NSDHL: variants seen among roughly 807,000 people sequenced by gnomAD.
NSDHL encodes the protein sterol-4-alpha-carboxylate 3-dehydrogenase, decarboxylating.
NSDHL carries 1 observed loss-of-function variant against 23.0 expected under a neutral mutation model. That is an observed-to-expected ratio of 0.04 (90% CI 0.02 to 0.21). NSDHL has a LOEUF of 0.21. Ranked by LOEUF, NSDHL falls within the 10% of genes least tolerant of loss-of-function variation. The pLI is 1.00. For missense variants in NSDHL, 237 were observed against 300.9 expected (o/e 0.79, Z 1.57); for synonymous variants, 128 against 121.1 (o/e 1.06, Z -0.37).
chrX:152,855,750 A>G (rs1419739811), intron 3 of NSDHL, among the ~76,000 whole-genome samples: 1 of 111,909 alleles, frequency 8.9e-6, no homozygotes, highest in African/African-American at 3.2e-5. Flanking sequence ...TGTTTCACCT[A>G]TATTCCTCCT....
chrX:152,848,290 T>C, intron 2 of NSDHL, among the ~76,000 whole-genome samples: 1 of 112,208 alleles, frequency 8.9e-6, no homozygotes, highest in East Asian at 2.8e-4. Flanking sequence ...TCTTGTCCAC[T>C]GTGGCTGTGA....
intron 4 of NSDHL, among the ~76,000 whole-genome samples, chrX:152,859,314 T>C (rs1325518671): frequency 8.9e-6 from 1 of 111,854 alleles, no homozygotes; most frequent in African/African-American, 3.3e-5. Context: ...ATTACCACCA[T>C]CCATCTCTAA....
At chrX:152,844,617 A>G (rs960894794) in intron 1 of NSDHL, among the ~76,000 whole-genome samples, 4 of 112,560 alleles carry the variant, frequency 3.6e-5, no homozygotes, top group Admixed American at 1.9e-4. Context: ...GAATCTGGAT[A>G]AGAAGCCAGC....
chrX:152,866,506 A>C (rs782147307), intron 6 of NSDHL, among the ~76,000 whole-genome samples: 197 of 113,176 alleles, frequency 1.7e-3, no homozygotes, highest in Non-Finnish European at 2.5e-3. Flanking sequence ...ATTCTGTCAC[A>C]TTTTGGGAGG....
At position 152,837,550 on chromosome X, in the gene NSDHL, T is replaced by TA. The variant is rs1214608579; in HGVS notation, c.-44+6435dup. ...AAGGCCTTTTCTGCATCTATTGAGA[T>TA]AATCATGTGGTTTTTGTCTTTGGTT... On this transcript the variant is annotated intron_variant, in intron 1 of 7. Coordinates refer to ENST00000370274, the MANE Select transcript of NSDHL (RefSeq NM_015922.3). Among the ~76,000 whole-genome samples, 6 of 112,465 alleles carry TA rather than the reference T, an allele frequency of 5.3e-5. No homozygotes were observed. In the East Asian group the frequency reaches 1.7e-3, roughly 31 times the overall value.
chrX:152,840,807 C>T (rs924999299), intron 1 of NSDHL, among the ~76,000 whole-genome samples: 18 of 112,757 alleles, frequency 1.6e-4, no homozygotes, highest in African/African-American at 5.8e-4. Flanking sequence ...AGAGCTCAAA[C>T]GCCATGCTGG....
At chrX:152,867,376 G>A (rs1418966673) in intron 6 of NSDHL, among the ~76,000 whole-genome samples, 195 bp from the exon 7 acceptor site, 1 of 112,241 alleles carries the variant, frequency 8.9e-6, no homozygotes, top group African/African-American at 3.2e-5. Context: ...CACTAACCCT[G>A]AAGACCCAGG....
chrX:152,866,931 G>T (rs935818203), intron 6 of NSDHL, among the ~76,000 whole-genome samples: 2 of 111,518 alleles, frequency 1.8e-5, no homozygotes, highest in Non-Finnish European at 3.8e-5. Flanking sequence ...AAGAAACCGT[G>T]ACTCAGAGGG....
At chrX:152,851,183 C>CCCCA (rs1365263196) in intron 3 of NSDHL, among the ~76,000 whole-genome samples, 3 of 112,309 alleles carry the variant, frequency 2.7e-5, no homozygotes, top group Admixed American at 9.4e-5. Context: ...GTGGCACAAG[C>CCCCA]CCCATTGCTT....
rs1740250710 is a variant in NSDHL, at chrX:152,869,331, G to A, written c.*215G>A. ...ACTGGATTTGGATTTCTTGAAGCAG[G>A]CAGCTTCATATTATACCGATTTGTT... On this transcript the variant is annotated 3_prime_UTR_variant, in exon 8 of 8. Coordinates refer to ENST00000370274, the MANE Select transcript of NSDHL (RefSeq NM_015922.3). 4.4e-6 allele frequency: 2 copies of A among 458,800 alleles called. No homozygotes were observed. The highest frequency in any genetic ancestry group is 3.8e-5 in the East Asian group (1 of 26,323). 37.8% of individuals were successfully genotyped at this position (458,800 alleles called of 1,213,427 possible).
intron 1 of NSDHL, among the ~76,000 whole-genome samples, chrX:152,841,315 A>G (rs1405188014): frequency 1.8e-5 from 2 of 112,817 alleles, no homozygotes; most frequent in Non-Finnish European, 3.8e-5. Flanking sequence ...GGCTGCACCC[A>G]CTGTCCAACC....
At chrX:152,847,782 G>A (rs1933296188) in intron 2 of NSDHL, among the ~76,000 whole-genome samples, 2 of 111,695 alleles carry the variant, frequency 1.8e-5, no homozygotes, top group Admixed American at 1.9e-4. Context: ...AAACAAGAAG[G>A]GTTGGAAAAA....
chrX:152,852,971 A>C (rs939030260), intron 3 of NSDHL, among the ~76,000 whole-genome samples: 15 of 109,946 alleles, frequency 1.4e-4, no homozygotes, highest in African/African-American at 5.0e-4. Context: ...CCTGATCACT[A>C]TCATTTCTAA....
intron 1 of NSDHL, among the ~76,000 whole-genome samples, chrX:152,845,175 C>T (rs1933252081): frequency 8.9e-6 from 1 of 112,112 alleles, no homozygotes; most frequent in South Asian, 3.7e-4. Context: ...GCCATTTTGG[C>T]TTTCTACATG....
Position 152,858,763 on chromosome X carries a change from T to C in NSDHL, c.268-7T>C. 8.3e-7 allele frequency: 1 copy of C among 1,210,378 alleles called. No individual in the cohort carries two copies. The highest frequency in any genetic ancestry group is 1.1e-6 in the Non-Finnish European group (1 of 894,109). On this transcript the variant is annotated splice_region_variant and splice_polypyrimidine_tract_variant and intron_variant, in intron 3 of 7. Coordinates refer to ENST00000370274, the MANE Select transcript of NSDHL (RefSeq NM_015922.3). ...AATGATTATTTTGTCTTTCTTTGCTTTTCCAGGATCTGTACCCAGCTCTGA... is the reference window on the plus strand; with the variant it reads ...AATGATTATTTTGTCTTTCTTTGCTCTTCCAGGATCTGTACCCAGCTCTGA...
In NSDHL at chrX:152,868,886, T is replaced by G. The variant is rs1556848484; in HGVS notation, c.892T>G (p.Trp298Gly). The change falls in exon 8 of 8, where the codon TGG (tryptophan) becomes GGG (glycine). Residue 298 changes from tryptophan (W) to glycine (G), a missense_variant. Trp to Gly is a radical substitution (Grantham distance 184). Coordinates refer to ENST00000370274, the MANE Select transcript of NSDHL (RefSeq NM_015922.3). Reference protein sequence around the residue: ...YEAPKYHIPYWVAYYLALLLS... With the variant: ...YEAPKYHIPYGVAYYLALLLS... ...GGCCCCCAAGTACCACATCCCCTACTGGGTGGCCTACTACCTGGCCCTCCT... is the reference window on the plus strand; with the variant it reads ...GGCCCCCAAGTACCACATCCCCTACGGGGTGGCCTACTACCTGGCCCTCCT... 2 of 1,211,630 alleles carry G rather than the reference T, an allele frequency of 1.7e-6. No homozygotes were observed. Among genetic ancestry groups the G allele is most frequent in the Non-Finnish European group, 1.1e-6 (1 of 895,039 alleles).
intron 2 of NSDHL, among the ~76,000 whole-genome samples, chrX:152,849,679 G>C (rs1209442998): frequency 8.9e-6 from 1 of 112,633 alleles, no homozygotes; most frequent in Non-Finnish European, 1.9e-5. Flanking sequence ...CATCAAGGCG[G>C]TCTTAGATTT....
In NSDHL at chrX:152,850,369, A is replaced by G. The variant is rs1556846108; in HGVS notation, c.213A>G (p.Gln71=). 1 of 1,210,354 alleles carries G rather than the reference A, an allele frequency of 8.3e-7. No individual in the cohort carries two copies. The change falls in exon 3 of 8, where the codon CAA becomes CAG. Residue 71 remains glutamine, a synonymous_variant. Transcript: ENST00000370274. ...CTGTCAATGTATTTGATATCCAGCA[A>G]GGGTTTGATAATCCCCAGGTGCGGT... ...GYAVNVFDIQ[Q]GFDNPQVRFF...
intron 6 of NSDHL, among the ~76,000 whole-genome samples, 179 bp from the exon 7 acceptor site, chrX:152,867,392 C>T (rs1556848205): frequency 8.9e-6 from 1 of 112,313 alleles, no homozygotes; most frequent in Admixed American, 9.4e-5. Context: ...CCAGGAGTCC[C>T]GGCCCAGTGT....
Sources: allele counts gnomAD v4.1 joint callset (sites outside exome capture counted in the v4.1 genomes callset), GRCh38; gene constraint gnomAD v4.1.1; transcripts MANE v1.5; gene names NCBI Gene and HGNC (gene_info 2026-07-23, HGNC 2026-07-21).